CYRIB: variants seen among roughly 807,000 people sequenced by gnomAD.
CYRIB encodes the protein CYFIP related Rac1 interactor B, also known as CYFIP-related Rac1 interactor B.
In CYRIB, 8 loss-of-function variants were observed where a neutral mutation model predicts 44.2. The ratio of observed to expected loss-of-function variants is 0.18; its 90% confidence interval spans 0.11 to 0.33. The LOEUF is 0.33. CYRIB is among the 10% of genes least tolerant of loss of function. CYRIB has a pLI of 1.00. For synonymous variants in CYRIB, 131 were observed against 127.2 expected, an observed-to-expected ratio of 1.03 and a Z score of -0.20; for missense variants, 185 against 382.8, an observed-to-expected ratio of 0.48 and a Z score of 4.31.
intron 4 of CYRIB, among the ~76,000 whole-genome samples, chr8:129,869,500 T>C (rs1051202448): frequency 1.3e-5 from 2 of 152,230 alleles, no homozygotes; most frequent in African/African-American, 4.8e-5. Flanking sequence ...CTAACACTTA[T>C]AAACAATTTA....
intron 3 of CYRIB, among the ~76,000 whole-genome samples, chr8:129,873,886 A>T (rs967513224): frequency 6.6e-6 from 1 of 152,066 alleles, no homozygotes; most frequent in East Asian, 1.9e-4. Context: ...CACAATGATT[A>T]AACATTTTTT....
At chr8:129,896,783 T>C (rs995304681) in intron 2 of CYRIB, 1 of 152,116 alleles carries the variant, frequency 6.6e-6, no homozygotes, top group Admixed American at 6.5e-5. Context: ...AGTGAAAGGA[T>C]AAACTGTCCA....
chr8:130,006,904 CT>C (rs1468675394), intron 1 of CYRIB, among the ~76,000 whole-genome samples: 5 of 151,632 alleles, frequency 3.3e-5, no homozygotes, highest in Non-Finnish European at 7.4e-5. Context: ...TGAAATTTTC[CT>C]TTCAAATTCA....
intron 7 of CYRIB, among the ~76,000 whole-genome samples, 160 bp from the exon 10 acceptor site, chr8:129,852,438 A>T (rs866035562): frequency 2.4e-4 from 36 of 152,128 alleles, no homozygotes; most frequent in Non-Finnish European, 1.2e-4. Flanking sequence ...TATTTTTTTT[A>T]AAAAAAGATT....
rs150569378 is a variant in CYRIB at position 129,996,200 on chromosome 8, C to T, written c.-296+20170G>A. Among the ~76,000 whole-genome samples the T allele has an allele frequency of 7.7e-3, 1,179 of 152,292 alleles. 20 individuals are homozygous for T. Among genetic ancestry groups the T allele is most frequent in the African/African-American group, 0.027 (1,107 of 41,534 alleles). ...AGAGTAATTAATCACAGCCGCTAGCCGATTGGTTGCCACTTCCTATGGGAA... is the reference window on the plus strand; with the variant it reads ...AGAGTAATTAATCACAGCCGCTAGCTGATTGGTTGCCACTTCCTATGGGAA... On this transcript the variant is annotated intron_variant, in intron 1 of 14. Transcript: ENST00000401979.
chr8:129,879,949 T>C (rs921565173), intron 2 of CYRIB, among the ~76,000 whole-genome samples: 4 of 152,162 alleles, frequency 2.6e-5, no homozygotes, highest in African/African-American at 9.7e-5. Context: ...CTGCATGCGG[T>C]TCAATAAAGC....
chr8:129,944,276 G>C (rs1247544014), upstream of CYRIB, among the ~76,000 whole-genome samples: 1 of 152,140 alleles, frequency 6.6e-6, no homozygotes, highest in Non-Finnish European at 1.5e-5. Context: ...CCTGCTCAAG[G>C]AAACTGGCAG....
At chr8:129,931,110 T>C (rs2091124465) in intron 1 of CYRIB, among the ~76,000 whole-genome samples, 1 of 151,974 alleles carries the variant, frequency 6.6e-6, no homozygotes, top group Non-Finnish European at 1.5e-5. Flanking sequence ...GGAGGATAAT[T>C]TATAAGATGC....
intron 10 of CYRIB, 56 bp downstream of exon 12, chr8:129,849,187 C>T (rs1432288046): frequency 6.7e-7 from 1 of 1,499,450 alleles, no homozygotes; most frequent in East Asian, 2.3e-5. Context: ...AAATAAAATC[C>T]TATGGTTTCC....
At chr8:129,932,549 C>A (rs1488401820) in intron 1 of CYRIB, among the ~76,000 whole-genome samples, 3 of 152,146 alleles carry the variant, frequency 2.0e-5, no homozygotes, top group African/African-American at 7.2e-5. Flanking sequence ...CTCAGAAAAC[C>A]AGTGCAAATG....
chr8:129,973,979 G>A (rs528170328), intron 1 of CYRIB, among the ~76,000 whole-genome samples: 12 of 152,148 alleles, frequency 7.9e-5, no homozygotes, highest in Admixed American at 4.6e-4. Context: ...CTAGGTTTTG[G>A]TCATCCTGGT....
chr8:129,948,363 C>T (rs1393149454), intron 2 of CYRIB, among the ~76,000 whole-genome samples: 1 of 152,150 alleles, frequency 6.6e-6, no homozygotes, highest in African/African-American at 2.4e-5. Flanking sequence ...ATGCTGTAAG[C>T]AGTTTGCAGA....
At chr8:129,909,329 T>C (rs1341246700) in intron 1 of CYRIB, among the ~76,000 whole-genome samples, 2 of 152,152 alleles carry the variant, frequency 1.3e-5, no homozygotes, top group Non-Finnish European at 2.9e-5. Context: ...CTACACAAAA[T>C]ACATAAAGAA....
intron 1 of CYRIB, among the ~76,000 whole-genome samples, chr8:129,979,761 C>CA (rs906040001): frequency 3.8e-4 from 57 of 148,310 alleles, no homozygotes; most frequent in Middle Eastern, 3.5e-3. Flanking sequence ...ACTAATAATA[C>CA]AAAAAAAAAA....
chr8:129,940,237 A>C (rs1268068766), upstream of CYRIB, among the ~76,000 whole-genome samples: 1 of 152,036 alleles, frequency 6.6e-6, no homozygotes, highest in Non-Finnish European at 1.5e-5. Context: ...AGCCCTGCGA[A>C]GTTGCCATAT....
At chr8:129,965,706 G>C (rs1273200710) in intron 2 of CYRIB, among the ~76,000 whole-genome samples, 2 of 151,700 alleles carry the variant, frequency 1.3e-5, no homozygotes, top group Non-Finnish European at 2.9e-5. Flanking sequence ...TGAGGCAGGA[G>C]AATGGCATGA....
chr8:129,851,213 T>G (rs1448267563), intron 8 of CYRIB: 1 of 303,362 alleles, frequency 3.3e-6, no homozygotes, highest in Non-Finnish European at 6.2e-6. Context: ...TATGAAATAG[T>G]TGGATTTTAT....
chr8:129,898,798 G>A (rs2069720021), intron 2 of CYRIB, among the ~76,000 whole-genome samples: 1 of 152,010 alleles, frequency 6.6e-6, no homozygotes, highest in African/African-American at 2.4e-5. Context: ...GTCCAGCAGA[G>A]GTCATTCATT....
intron 1 of CYRIB, among the ~76,000 whole-genome samples, chr8:129,931,919 G>A (rs1216222546): frequency 6.6e-6 from 1 of 151,918 alleles, no homozygotes; most frequent in Non-Finnish European, 1.5e-5. Flanking sequence ...GAGTCAGTAT[G>A]CCTGGCACTT....
Sources: allele counts gnomAD v4.1 joint callset (sites outside exome capture counted in the v4.1 genomes callset), GRCh38; gene constraint gnomAD v4.1.1; transcripts MANE v1.5; gene names NCBI Gene and HGNC (gene_info 2026-07-23, HGNC 2026-07-21).